PEAK1: variants seen among roughly 807,000 people sequenced by gnomAD.
The protein encoded by PEAK1 is inactive tyrosine-protein kinase PEAK1.
Under a neutral mutation model 124.7 loss-of-function variants are expected in PEAK1, and 54 were observed. That is an observed-to-expected ratio of 0.43 (90% CI 0.35 to 0.54). PEAK1 has a LOEUF of 0.54. Ranked by LOEUF, PEAK1 falls within the 20% of genes least tolerant of loss-of-function variation. The pLI is 0.01. For synonymous variants in PEAK1, 719 were observed against 760.0 expected, an observed-to-expected ratio of 0.95 and a Z score of 0.89; for missense variants, 2,046 against 2,134.5, an observed-to-expected ratio of 0.96 and a Z score of 0.82.
At position 77,181,750 on chromosome 15, in the gene PEAK1, GC is replaced by G. The variant is rs1339861220; in HGVS notation, c.176del (p.Gly59AlafsTer13). 1 of 1,613,958 alleles carries G rather than the reference GC, an allele frequency of 6.2e-7. No individual in the cohort carries two copies. Among genetic ancestry groups the G allele is most frequent in the African/African-American group, 1.3e-5 (1 of 74,888 alleles). On this transcript the variant is annotated frameshift_variant, in exon 7 of 10. Coordinates refer to ENST00000682557, the MANE Select transcript of PEAK1 (RefSeq NM_001385026.1). LOFTEE classifies it high-confidence loss of function. Reference sequence around the variant, plus strand: ...TTTTAGCCACAGGAGGCCGGAAATTGCCCGTGTTCCTGATGCGGTGGTTGTT... The same window carrying G: ...TTTTAGCCACAGGAGGCCGGAAATTGCCGTGTTCCTGATGCGGTGGTTGTT... Reference protein sequence around the residue: ...HSNNHRIRNTGNFRPPVAKKP... With the variant: ...HSNNHRIRNTXNFRPPVAKKP...
At chr15:77,323,443 C>T (rs2065365973) in intron 2 of PEAK1, among the ~76,000 whole-genome samples, 1 of 152,130 alleles carries the variant, frequency 6.6e-6, no homozygotes, top group Non-Finnish European at 1.5e-5. Context: ...AGTCTCAAGA[C>T]ACAAAATCAA....
chr15:77,100,941 G>A (rs1383355865), exon 7 of PEAK1: 2 of 152,290 alleles, frequency 1.3e-5, no homozygotes, highest in East Asian at 3.8e-4. Flanking sequence ...TGAGGGCTCT[G>A]ATGTGGGCAG....
At chr15:77,379,624 A>T (rs12594346) in intron 1 of PEAK1, among the ~76,000 whole-genome samples, 29,510 of 151,988 alleles carry the variant, frequency 0.19, 3,926 homozygotes, top group East Asian at 0.55. Context: ...TAGAGTAAGA[A>T]CTGTTCACTG....
chr15:77,390,230 G>A (rs988856733), intron 1 of PEAK1, among the ~76,000 whole-genome samples: 1 of 152,202 alleles, frequency 6.6e-6, no homozygotes, highest in Non-Finnish European at 1.5e-5. Context: ...ATCTGTGGGG[G>A]AAGTGGAGCA....
intron 6 of PEAK1, among the ~76,000 whole-genome samples, chr15:77,223,886 A>ATT (rs10719377): frequency 0.027 from 3,341 of 121,524 alleles, 52 homozygotes; most frequent in Middle Eastern, 0.051. Flanking sequence ...CATTTGAGAG[A>ATT]TTTTTTTTTT....
At chr15:77,306,996 A>G (rs1052837108) in intron 2 of PEAK1, among the ~76,000 whole-genome samples, 1 of 152,168 alleles carries the variant, frequency 6.6e-6, no homozygotes, top group African/African-American at 2.4e-5. Flanking sequence ...TTTTACCTAA[A>G]TAAGTTATTG....
chr15:77,347,410 G>C, intron 2 of PEAK1: 1 of 985,340 alleles, frequency 1.0e-6, no homozygotes. Flanking sequence ...AGTACTGGCT[G>C]AATCAGTGCT....
chr15:77,225,666 T>TATATA (rs1555448933), intron 6 of PEAK1, among the ~76,000 whole-genome samples: 6 of 87,986 alleles, frequency 6.8e-5, no homozygotes, highest in Non-Finnish European at 1.2e-4. Flanking sequence ...TGTGTATAAT[T>TATATA]TATATATATA....
chr15:77,351,843 C>T (rs1028724091), intron 2 of PEAK1: 51 of 985,250 alleles, frequency 5.2e-5, no homozygotes, highest in East Asian at 1.1e-4. Context: ...GAGTTTTAGA[C>T]AATTATTTCC....
chr15:77,327,641 T>C (rs564268120), intron 2 of PEAK1, among the ~76,000 whole-genome samples: 2 of 152,056 alleles, frequency 1.3e-5, no homozygotes, highest in African/African-American at 4.8e-5. Flanking sequence ...GAAGAACTAG[T>C]TATAGATCAT....
intron 1 of PEAK1, among the ~76,000 whole-genome samples, chr15:77,414,970 T>A (rs2072753675): frequency 6.6e-6 from 1 of 152,198 alleles, no homozygotes; most frequent in Non-Finnish European, 1.5e-5. Flanking sequence ...CAGATATCTC[T>A]ACCAAACAGA....
At chr15:77,105,788 G>C (rs2050745194), downstream of PEAK1, 1 of 152,338 alleles carries the variant, frequency 6.6e-6, no homozygotes. Context: ...ATTCTCTGTG[G>C]CTTAGGTTGA....
chr15:77,415,748 C>T (rs2072826313), intron 1 of PEAK1, among the ~76,000 whole-genome samples: 1 of 152,100 alleles, frequency 6.6e-6, no homozygotes, highest in Admixed American at 6.6e-5. Flanking sequence ...TACTTAAGAC[C>T]AACTTCTCTG....
intron 2 of PEAK1, chr15:77,338,113 T>A: frequency 1.0e-6 from 1 of 984,084 alleles, no homozygotes; most frequent in Non-Finnish European, 1.2e-6. Context: ...TAAGCAATGA[T>A]AATCAAATCA....
At chr15:77,205,809 C>A (rs1437347894) in intron 6 of PEAK1, among the ~76,000 whole-genome samples, 1 of 150,738 alleles carries the variant, frequency 6.6e-6, no homozygotes. Flanking sequence ...ACTGGAATAA[C>A]TTTATTATTA....
At chr15:77,155,287 G>C (rs2055026179) in intron 8 of PEAK1, 1 of 152,124 alleles carries the variant, frequency 6.6e-6, no homozygotes, top group Non-Finnish European at 1.5e-5. Flanking sequence ...CGGCTCCTGA[G>C]GCGTCTGCAT....
intron 1 of PEAK1, chr15:77,402,431 G>C: frequency 1.0e-6 from 1 of 985,122 alleles, no homozygotes; most frequent in Non-Finnish European, 1.2e-6. Flanking sequence ...TAGCCAAATG[G>C]TCTTCAATGT....
At chr15:77,141,848 G>A (rs1488927752) in intron 8 of PEAK1, among the ~76,000 whole-genome samples, 2 of 151,926 alleles carry the variant, frequency 1.3e-5, no homozygotes, top group African/African-American at 2.4e-5. Flanking sequence ...AACTAAAAAT[G>A]TATGAAAAAT....
chr15:77,202,852 C>T (rs2058435377), intron 6 of PEAK1, among the ~76,000 whole-genome samples: 1 of 151,526 alleles, frequency 6.6e-6, no homozygotes, highest in Admixed American at 6.6e-5. Context: ...GCCTAGGCAA[C>T]ATGGCAAAAC....
Sources: allele counts gnomAD v4.1 joint callset (sites outside exome capture counted in the v4.1 genomes callset), GRCh38; gene constraint gnomAD v4.1.1; transcripts MANE v1.5; gene names NCBI Gene and HGNC (gene_info 2026-07-23, HGNC 2026-07-21).